Variants in TLL1 observed in about 807,000 individuals in gnomAD.
TLL1 encodes the protein tolloid-like protein 1.
TLL1 carries 49 observed loss-of-function variants against 128.2 expected under a neutral mutation model. The ratio of observed to expected loss-of-function variants is 0.38; its 90% confidence interval spans 0.30 to 0.48. The LOEUF (loss-of-function observed/expected upper bound fraction) is 0.48, where lower values mean the gene tolerates loss of function less well. Among genes scored for constraint, TLL1 ranks in the 20% least tolerant of loss-of-function variants. The pLI, the probability that TLL1 is intolerant of heterozygous loss-of-function variation, is 0.96. For missense variants in TLL1, 1,123 were observed against 1,242.0 expected (o/e 0.90, Z 1.44); for synonymous variants, 454 against 418.8 (o/e 1.08, Z -1.03).
At chr4:165,933,885 G>T (rs1333082303) in intron 1 of TLL1, among the ~76,000 whole-genome samples, 3 of 152,160 alleles carry the variant, frequency 2.0e-5, no homozygotes, top group Non-Finnish European at 2.9e-5. Flanking sequence ...ATTTGAATGA[G>T]TCCTCTGCTG....
At position 166,070,630 on chromosome 4, in the gene TLL1, G is replaced by A. The variant is rs77567720; in HGVS notation, c.2189-4248G>A. ...CAAGGACAGAAACGGACTAAAACTC[G>A]TTTTCCGACTCCCAGTTCATTTCTG... On this transcript the variant is annotated intron_variant, in intron 16 of 20. Coordinates refer to ENST00000061240, the MANE Select transcript of TLL1 (RefSeq NM_012464.5). 2.0e-5 allele frequency among the ~76,000 whole-genome samples: 3 copies of A among 151,940 alleles called. No homozygotes were observed. In the East Asian group the frequency reaches 5.8e-4, roughly 29 times the overall value.
At chr4:165,896,806 G>A (rs1444979488) in intron 1 of TLL1, among the ~76,000 whole-genome samples, 2 of 152,104 alleles carry the variant, frequency 1.3e-5, no homozygotes, top group Admixed American at 6.6e-5. Context: ...TCTGGTTCTA[G>A]ATCCTTGATG....
At chr4:166,024,932 A>C (rs1738424837) in intron 8 of TLL1, among the ~76,000 whole-genome samples, 1 of 152,176 alleles carries the variant, frequency 6.6e-6, no homozygotes, top group South Asian at 2.1e-4. Flanking sequence ...AATTTAAATC[A>C]AAAATATTAG....
intron 7 of TLL1, among the ~76,000 whole-genome samples, chr4:166,011,626 G>T (rs1737699787): frequency 6.6e-6 from 1 of 151,380 alleles, no homozygotes; most frequent in African/African-American, 2.4e-5. Flanking sequence ...CTTTTATTTT[G>T]CTTTATTTTT....
At chr4:165,878,757 A>T (rs1467859358) in intron 1 of TLL1, among the ~76,000 whole-genome samples, 1 of 152,010 alleles carries the variant, frequency 6.6e-6, no homozygotes, top group African/African-American at 2.4e-5. Flanking sequence ...GTAATAATGC[A>T]TAGAATTCTT....
At chr4:166,097,753 C>T (rs962449735) in intron 19 of TLL1, among the ~76,000 whole-genome samples, 2 of 152,138 alleles carry the variant, frequency 1.3e-5, no homozygotes, top group African/African-American at 4.8e-5. Context: ...TGGTCACAGA[C>T]TACCATCACA....
intron 1 of TLL1, among the ~76,000 whole-genome samples, chr4:165,974,614 A>C (rs1312365396): frequency 6.6e-6 from 1 of 152,206 alleles, no homozygotes; most frequent in Non-Finnish European, 1.5e-5. Context: ...CCAATTTACT[A>C]TCCTTAGAGT....
At position 166,065,893 on chromosome 4, in the gene TLL1, A is replaced by G. The variant is rs370504001; in HGVS notation, c.2188+30A>G. 1.6e-5 allele frequency: 22 copies of G among 1,395,888 alleles called. No individual in the cohort carries two copies. In the African/African-American group the frequency reaches 6.2e-4, roughly 40 times the overall value. 86.5% of individuals were successfully genotyped at this position (1,395,888 alleles called of 1,614,324 possible). On this transcript the variant is annotated intron_variant, in intron 16 of 20. Transcript: ENST00000061240. ...AAGCATTCACATGTTGTATGTGTAT[A>G]TTACAGATTTTCAATGTGGGTTGGA...
At chr4:165,912,610 G>C (rs910555340) in intron 1 of TLL1, among the ~76,000 whole-genome samples, 7 of 152,226 alleles carry the variant, frequency 4.6e-5, no homozygotes, top group African/African-American at 1.7e-4. Context: ...AGCCTGATTA[G>C]AATCCCTGCC....
In TLL1 at chr4:166,027,057, C is replaced by T. The variant is rs567817249; in HGVS notation, c.1158+1626C>T. On this transcript the variant is annotated intron_variant, in intron 9 of 20. Transcript: ENST00000061240. ...CATACACCATGGAATATTATGCAGCCGTAAAAAAGAATGAACTCATGTCCT... is the reference window on the plus strand; with the variant it reads ...CATACACCATGGAATATTATGCAGCTGTAAAAAAGAATGAACTCATGTCCT... Among the ~76,000 whole-genome samples, 151 of 151,932 alleles carry T rather than the reference C, an allele frequency of 9.9e-4. 2 individuals carry two copies. The highest frequency in any genetic ancestry group is 1.5e-3 in the Non-Finnish European group (102 of 67,972).
chr4:165,955,574 A>G (rs1033348432), intron 1 of TLL1, among the ~76,000 whole-genome samples: 3 of 152,200 alleles, frequency 2.0e-5, no homozygotes, highest in African/African-American at 7.2e-5. Context: ...AGGGAAACCC[A>G]TAAGGCTAAC....
Position 165,969,415 on chromosome 4 carries a change from G to T in TLL1, c.170-19966G>T, listed in dbSNP as rs1053919279. Among the ~76,000 whole-genome samples the T allele has an allele frequency of 2.0e-5, 3 of 152,066 alleles. No homozygotes were observed. In the East Asian group the frequency reaches 5.8e-4, roughly 29 times the overall value. On this transcript the variant is annotated intron_variant, in intron 1 of 20. Coordinates refer to ENST00000061240, the MANE Select transcript of TLL1 (RefSeq NM_012464.5). ...ACAACTCTAAGCCATTAAGCATCAGGATTGCTGTATCTTTTATTTGATGGA... is the reference window on the plus strand; with the variant it reads ...ACAACTCTAAGCCATTAAGCATCAGTATTGCTGTATCTTTTATTTGATGGA...
intron 5 of TLL1, among the ~76,000 whole-genome samples, chr4:166,002,477 C>T (rs1420347161): frequency 1.3e-5 from 2 of 152,034 alleles, no homozygotes; most frequent in Non-Finnish European, 2.9e-5. Flanking sequence ...CAGGGTCTTA[C>T]TCTGTTGCTC....
chr4:165,913,741 C>T (rs1283999015), intron 1 of TLL1, among the ~76,000 whole-genome samples: 2 of 152,120 alleles, frequency 1.3e-5, no homozygotes, highest in African/African-American at 4.8e-5. Flanking sequence ...AGGCTGGGCA[C>T]CGTGGTTCAC....
rs1489846903 is a variant in TLL1 at position 165,976,123 on chromosome 4, T to C, written c.170-13258T>C. On this transcript the variant is annotated intron_variant, in intron 1 of 20. Transcript: ENST00000061240. ...CAGTATTATGGTTTGGATTCTAGCA[T>C]TTAGCTAAAACACACATACACACAC... Among the ~76,000 whole-genome samples the C allele has an allele frequency of 6.0e-5, 9 of 150,956 alleles. No individual in the cohort carries two copies. The South Asian group carries it at 1.5e-3, about 24-fold the overall frequency.
At chr4:165,933,671 C>T (rs780660116) in intron 1 of TLL1, among the ~76,000 whole-genome samples, 3 of 152,122 alleles carry the variant, frequency 2.0e-5, no homozygotes, top group Non-Finnish European at 2.9e-5. Flanking sequence ...GGAGTGCTAG[C>T]GTGGATGGCT....
intron 1 of TLL1, among the ~76,000 whole-genome samples, chr4:165,906,280 A>C (rs965895598): frequency 6.6e-6 from 1 of 152,256 alleles, no homozygotes; most frequent in African/African-American, 2.4e-5. Context: ...ACAAACACAT[A>C]GTATGCACTA....
intron 11 of TLL1, among the ~76,000 whole-genome samples, chr4:166,042,344 A>G (rs1739276437): frequency 1.3e-5 from 2 of 152,218 alleles, no homozygotes; most frequent in African/African-American, 4.8e-5. Context: ...CAGTGATGTA[A>G]TAATATCTAA....
At chr4:166,020,984 A>C (rs1004559277) in intron 8 of TLL1, among the ~76,000 whole-genome samples, 37 of 152,308 alleles carry the variant, frequency 2.4e-4, no homozygotes, top group African/African-American at 8.9e-4. Flanking sequence ...CTATGGATGC[A>C]CATTTATGTG....
Sources: gnomAD v4.1 joint callset for allele counts (sites outside exome capture counted in the v4.1 genomes callset) on GRCh38, gnomAD v4.1.1 for gene constraint, MANE v1.5 for transcripts, NCBI Gene and HGNC (gene_info 2026-07-23, HGNC 2026-07-21) for gene names.